The following ASPH variants were observed in gnomAD, a reference collection of about 807,000 sequenced individuals.
ASPH encodes the protein aspartyl/asparaginyl beta-hydroxylase.
ASPH carries 100 observed loss-of-function variants against 118.4 expected under a neutral mutation model. That is an observed-to-expected ratio of 0.84 (90% CI 0.72 to 1.00). The LOEUF (loss-of-function observed/expected upper bound fraction) is 1.00. ASPH is among the 50% of genes least tolerant of loss of function. The pLI is 0.00. For missense variants in ASPH, 920 were observed against 919.5 expected, an observed-to-expected ratio of 1.00 and a Z score of -0.01; for synonymous variants, 315 against 325.6, an observed-to-expected ratio of 0.97 and a Z score of 0.35.
intron 21 of ASPH, among the ~76,000 whole-genome samples, chr8:61,528,416 CATTCTTGTTAA>C (rs1427480696): frequency 6.6e-6 from 1 of 152,210 alleles, no homozygotes; most frequent in Non-Finnish European, 1.5e-5. Context: ...AAATCTGTTA[CATTCTTGTTAA>C]ATTGACACAC....
intron 1 of ASPH, among the ~76,000 whole-genome samples, chr8:61,702,577 C>T (rs920501500): frequency 3.9e-5 from 6 of 152,124 alleles, no homozygotes; most frequent in Non-Finnish European, 5.9e-5. Context: ...TGACCCACCG[C>T]GCCCAGCCCC....
Position 61,524,825 on chromosome 8 carries a change from C to G in ASPH, c.1900+1152G>C, listed in dbSNP as rs542857890. On this transcript the variant is annotated intron_variant, in intron 22 of 24. Transcript: ENST00000379454. ...GGATGCCTGCTATTCTGAAGCATTG[C>G]TCTAGGAGGCCCAGTAGGTTCTGTG... Among the ~76,000 whole-genome samples the G allele has an allele frequency of 8.6e-5, 13 of 151,146 alleles. No individual in the cohort carries two copies. The South Asian group carries it at 2.7e-3, about 32-fold the overall frequency.
At chr8:61,629,397 T>C (rs540062379) in intron 13 of ASPH, among the ~76,000 whole-genome samples, 37 of 152,246 alleles carry the variant, frequency 2.4e-4, no homozygotes, top group Non-Finnish European at 4.6e-4. Flanking sequence ...TGTATATTTA[T>C]GCTGTCAGAT....
intron 1 of ASPH, among the ~76,000 whole-genome samples, chr8:61,707,966 G>T (rs1447827579): frequency 6.6e-6 from 1 of 152,062 alleles, no homozygotes; most frequent in Non-Finnish European, 1.5e-5. Context: ...TACATGTGTG[G>T]ATACATAATG....
intron 14 of ASPH, among the ~76,000 whole-genome samples, chr8:61,593,035 G>A (rs991165577): frequency 2.0e-5 from 3 of 152,128 alleles, no homozygotes; most frequent in South Asian, 2.1e-4. Flanking sequence ...GTGGGTAGGC[G>A]CCCTCAGTTA....
chr8:61,553,329 T>C (rs776865789), intron 19 of ASPH, among the ~76,000 whole-genome samples: 4 of 152,234 alleles, frequency 2.6e-5, no homozygotes, highest in Non-Finnish European at 4.4e-5. Flanking sequence ...AACAATGCAT[T>C]CATCATTAAT....
At chr8:61,574,720 A>G (rs1307443265) in intron 16 of ASPH, among the ~76,000 whole-genome samples, 4 of 152,204 alleles carry the variant, frequency 2.6e-5, no homozygotes, top group Admixed American at 6.5e-5. Flanking sequence ...GGGGAGGGAT[A>G]GCATTAGGAG....
At chr8:61,560,078 G>C (rs1231784478) in intron 18 of ASPH, among the ~76,000 whole-genome samples, 1 of 152,232 alleles carries the variant, frequency 6.6e-6, no homozygotes, top group East Asian at 1.9e-4. Flanking sequence ...TTTGGTACCA[G>C]ATTATAAACT....
intron 16 of ASPH, among the ~76,000 whole-genome samples, chr8:61,570,945 G>A (rs938629039): frequency 6.6e-6 from 1 of 152,126 alleles, no homozygotes; most frequent in Non-Finnish European, 1.5e-5. Flanking sequence ...TTGGTGATAT[G>A]AAGAAAAAGA....
chr8:61,691,837 T>G (rs1832728027), intron 1 of ASPH, among the ~76,000 whole-genome samples: 1 of 152,220 alleles, frequency 6.6e-6, no homozygotes, highest in Non-Finnish European at 1.5e-5. Flanking sequence ...TCGTGACTAG[T>G]GCATAAATAA....
rs1337861965 is a variant in ASPH at position 61,643,978 on chromosome 8, T to C, written c.676A>G (p.Met226Val). Reference sequence around the variant, plus strand: ...TCCTGCTCAGACATCATCTCTTCCATATCCTGATTACAGTCTTGTGAAACT... The same window carrying C: ...TCCTGCTCAGACATCATCTCTTCCACATCCTGATTACAGTCTTGTGAAACT... ...ETVSQDCNQD[M>V]EEMMSEQENP... Residue 226 changes from methionine (M) to valine (V), a missense_variant, in exon 8 of 25, where the codon ATG becomes GTG. Coordinates refer to ENST00000379454, the MANE Select transcript of ASPH (RefSeq NM_004318.4). The C allele has an allele frequency of 6.2e-7, 1 of 1,610,892 alleles. No individual in the cohort carries two copies. The highest frequency in any genetic ancestry group is 2.2e-5 in the East Asian group (1 of 44,726).
intron 21 of ASPH, among the ~76,000 whole-genome samples, chr8:61,526,940 G>C (rs1442177923): frequency 6.6e-6 from 1 of 152,156 alleles, no homozygotes; most frequent in East Asian, 1.9e-4. Flanking sequence ...CATAAAAACA[G>C]CTTTCCTACT....
At chr8:61,684,308 T>C in intron 1 of ASPH, 120 bp from the exon 2 acceptor site, 1 of 1,107,382 alleles carries the variant, frequency 9.0e-7, no homozygotes, top group Non-Finnish European at 1.2e-6. Context: ...TCAAAAACAG[T>C]TTCCAGTTAA....
intron 14 of ASPH, among the ~76,000 whole-genome samples, chr8:61,611,022 T>C (rs1160508061): frequency 6.6e-6 from 1 of 152,188 alleles, no homozygotes; most frequent in Non-Finnish European, 1.5e-5. Context: ...ATAAGATGAA[T>C]GAATAAATTT....
At chr8:61,531,142 T>A (rs4738905) in intron 21 of ASPH, among the ~76,000 whole-genome samples, 13 of 152,056 alleles carry the variant, frequency 8.5e-5, no homozygotes, top group African/African-American at 1.2e-4. Flanking sequence ...CACTTCATAC[T>A]ATTTCTTCAC....
intron 6 of ASPH, 28 bp downstream of exon 6, chr8:61,646,722 C>T (rs1444823317): frequency 2.5e-6 from 4 of 1,595,762 alleles, no homozygotes; most frequent in East Asian, 2.3e-5. Context: ...TATATTTTAT[C>T]CTAAAACTTG....
chr8:61,559,247 A>C (rs1260979811), intron 18 of ASPH, among the ~76,000 whole-genome samples: 1 of 152,250 alleles, frequency 6.6e-6, no homozygotes, highest in Non-Finnish European at 1.5e-5. Flanking sequence ...CATTATAAGA[A>C]TATAACATAT....
intron 14 of ASPH, among the ~76,000 whole-genome samples, chr8:61,593,206 CTTTG>C (rs144636555): frequency 0.018 from 2,812 of 152,204 alleles, 84 homozygotes; most frequent in African/African-American, 0.064. Flanking sequence ...TGGCAGGAGC[CTTTG>C]TTTGTATTAT....
chr8:61,506,870 A>T (rs1416323612), intron 24 of ASPH, among the ~76,000 whole-genome samples: 1 of 152,182 alleles, frequency 6.6e-6, no homozygotes, highest in Non-Finnish European at 1.5e-5. Flanking sequence ...ACAACTAAAA[A>T]CTTCCAAGGG....
Sources: gnomAD v4.1 joint callset for allele counts (sites outside exome capture counted in the v4.1 genomes callset) on GRCh38, gnomAD v4.1.1 for gene constraint, MANE v1.5 for transcripts, NCBI Gene and HGNC (gene_info 2026-07-23, HGNC 2026-07-21) for gene names.